GLB1: variants seen among roughly 807,000 people sequenced by gnomAD.
GLB1 encodes beta-galactosidase.
In GLB1, 56 loss-of-function variants were observed where a neutral mutation model predicts 74.0. The ratio of observed to expected loss-of-function variants is 0.76; its 90% CI spans 0.61 to 0.94. GLB1 has a LOEUF of 0.94. Ranked by LOEUF, GLB1 falls within the 40% of genes least tolerant of loss-of-function variation. The pLI is 0.00. For missense variants in GLB1, 787 were observed against 845.5 expected, an observed-to-expected ratio of 0.93 and a Z score of 0.86; for synonymous variants, 323 against 323.6, an observed-to-expected ratio of 1.00 and a Z score of 0.02.
chr3:33,093,931 C>G lies in GLB1; in HGVS notation c.75+3080G>C. On this transcript the variant is annotated intron_variant, in intron 1 of 15. Coordinates refer to ENST00000307363, the MANE Select transcript of GLB1 (RefSeq NM_000404.4). The surrounding 1 kb of genome is among the most constrained non-coding windows in gnomAD (Gnocchi z 6.0). ...TGGGCCAGGGCCAGAAATGCCAGAACCACCACCTTCCAAAGCTGAAAACAG... is the reference window on the plus strand; with the variant it reads ...TGGGCCAGGGCCAGAAATGCCAGAAGCACCACCTTCCAAAGCTGAAAACAG... 1 of 1,614,132 alleles carries G rather than the reference C, an allele frequency of 6.2e-7. No individual in the cohort carries two copies. Among genetic ancestry groups the G allele is most frequent in the Non-Finnish European group, 8.5e-7 (1 of 1,180,024 alleles).
At chr3:33,065,720 C>T (rs970215883) in intron 4 of GLB1, among the ~76,000 whole-genome samples, 163 bp from the exon 5 acceptor site, 3 of 152,194 alleles carry the variant, frequency 2.0e-5, no homozygotes, top group African/African-American at 7.2e-5. Flanking sequence ...GTAATCCCAG[C>T]ACTTTGGGAG....
chr3:32,968,609 T>C, the GLB1 span, among the ~76,000 whole-genome samples: 2 of 152,194 alleles, frequency 1.3e-5, no homozygotes. Flanking sequence ...AAGGTTCTGC[T>C]GCATTTAGAT....
chr3:32,991,031 T>A, the GLB1 span, among the ~76,000 whole-genome samples: 5 of 152,058 alleles, frequency 3.3e-5, no homozygotes, highest in East Asian at 9.6e-4. Context: ...AAAGTTGAAG[T>A]AAATTGGACA....
In GLB1 at chr3:33,058,250, C is replaced by T. The variant is rs1553611055; in HGVS notation, c.572G>A (p.Ser191Asn). ...GTAGTCAAAATCACAGGCAAAGTAG[C>T]TGCCATATTCATTTTCAACCTGTGA... ...ITVQVENEYGSYFACDFDYLR... is the reference protein window; with the variant it reads ...ITVQVENEYGNYFACDFDYLR... Residue 191 changes from serine (S) to asparagine (N), a missense_variant, in exon 6 of 16, where the codon AGC (serine) becomes AAC (asparagine). Ser to Asn is a conservative substitution (Grantham distance 46). Coordinates refer to ENST00000307363, the MANE Select transcript of GLB1 (RefSeq NM_000404.4). 5 of 1,614,114 alleles carry T rather than the reference C, an allele frequency of 3.1e-6. No individual in the cohort carries two copies. The highest frequency in any genetic ancestry group is 4.2e-6 in the Non-Finnish European group (5 of 1,180,016).
At chr3:33,009,966 T>C (rs1696953925) in intron 15 of GLB1, among the ~76,000 whole-genome samples, 1 of 152,272 alleles carries the variant, frequency 6.6e-6, no homozygotes, top group Non-Finnish European at 1.5e-5. Context: ...TATTGAGGAA[T>C]CGTATGGATA....
At chr3:33,034,626 A>T in intron 10 of GLB1, 1 of 725,628 alleles carries the variant, frequency 1.4e-6, no homozygotes, top group Admixed American at 1.9e-5. Flanking sequence ...CACAAGTTCA[A>T]TGATGTCATG....
chr3:33,001,622 T>C (rs1303403216), intron 15 of GLB1, among the ~76,000 whole-genome samples: 2 of 152,220 alleles, frequency 1.3e-5, no homozygotes, highest in Non-Finnish European at 2.9e-5. Context: ...TATTTCCAGC[T>C]ATAACACAGG....
intron 5 of GLB1, among the ~76,000 whole-genome samples, chr3:33,063,305 C>T (rs1018483817): frequency 6.6e-6 from 1 of 152,272 alleles, no homozygotes; most frequent in East Asian, 1.9e-4. Flanking sequence ...AAGAGCTTTG[C>T]TATGGCTCCT....
Position 33,088,716 on chromosome 3 carries a change from G to A in GLB1, c.75+8295C>T, listed in dbSNP as rs80242293. 1.1e-3 allele frequency among the ~76,000 whole-genome samples: 165 copies of A among 152,262 alleles called. 1 individual carries two copies. Among genetic ancestry groups the A allele is most frequent in the African/African-American group, 3.8e-3 (158 of 41,582 alleles). The stretch of plus-strand genomic sequence containing the variant: ...TGTTAAGATGTTCATACTACCCAAA[G>A]TGATTCACAGATTCAACACAATCCC... On this transcript the variant is annotated intron_variant, in intron 1 of 15. Coordinates refer to ENST00000307363, the MANE Select transcript of GLB1 (RefSeq NM_000404.4).
chr3:33,094,941 T>G (rs938502323), intron 1 of GLB1, among the ~76,000 whole-genome samples: 7 of 152,220 alleles, frequency 4.6e-5, no homozygotes, highest in Non-Finnish European at 8.8e-5. Flanking sequence ...CTGGGCACAG[T>G]GGCTGACGCC....
intron 10 of GLB1, among the ~76,000 whole-genome samples, chr3:33,027,290 C>A (rs1697809922): frequency 6.6e-6 from 1 of 152,266 alleles, no homozygotes; most frequent in Non-Finnish European, 1.5e-5. Flanking sequence ...GCAGCAGCAG[C>A]CAGCGTGTCT....
intron 2 of GLB1, among the ~76,000 whole-genome samples, chr3:33,071,863 TC>T (rs990416033): frequency 1.8e-4 from 27 of 152,216 alleles, no homozygotes; most frequent in African/African-American, 6.3e-4. Flanking sequence ...GGGGTCCTGC[TC>T]CATACCCAGA....
chr3:33,024,202 C>A (rs1225624190), intron 11 of GLB1, 49 bp downstream of exon 11: 1 of 1,561,304 alleles, frequency 6.4e-7, no homozygotes, highest in Non-Finnish European at 8.7e-7. Flanking sequence ...ATTCCACTTT[C>A]TCACTCCCAT....
chr3:33,028,524 T>A (rs551270597), intron 10 of GLB1, among the ~76,000 whole-genome samples: 1 of 152,178 alleles, frequency 6.6e-6, no homozygotes, highest in Non-Finnish European at 1.5e-5. Flanking sequence ...TATAGCATTA[T>A]CCTTTTAAAT....
chr3:33,062,236 C>T (rs1469756700), intron 5 of GLB1, among the ~76,000 whole-genome samples: 6 of 152,102 alleles, frequency 3.9e-5, no homozygotes, highest in African/African-American at 7.2e-5. Context: ...GGTGTGATCA[C>T]GGCTCACCAC....
chr3:32,993,522 ATTTT>A (rs746774682), downstream of GLB1, among the ~76,000 whole-genome samples: 5 of 62,286 alleles, frequency 8.0e-5, no homozygotes, highest in South Asian at 8.8e-4. Context: ...CATCCAGCTA[ATTTT>A]TTTTTTTTTT....
rs766046916 is a variant in GLB1 at position 33,014,151 on chromosome 3, T to G, written c.1639A>C (p.Thr547Pro). The G allele has an allele frequency of 1.9e-6, 3 of 1,613,944 alleles. No homozygotes were observed. In the East Asian group the frequency reaches 6.7e-5, roughly 36 times the overall value. The change falls in exon 15 of 16, where the codon ACG (threonine) becomes CCG (proline). Residue 547 changes from threonine to proline, a missense_variant. Thr to Pro is a conservative substitution (Grantham distance 38, BLOSUM62 -1). Coordinates refer to ENST00000307363, the MANE Select transcript of GLB1 (RefSeq NM_000404.4). The part of the protein sequence containing the change: ...EAWAHNSSNY[T>P]LPAFYMGNFS... ...TTCCCCATATAAAAGGCCGGGAGCG[T>G]GTAGTTGGATGAGTTGTGGGCCCAG...
At position 33,038,569 on chromosome 3, in the gene GLB1, A is replaced by G. The variant is rs142182543; in HGVS notation, c.1068+7551T>C. Among the ~76,000 whole-genome samples the G allele has an allele frequency of 1.1e-3, 172 of 152,350 alleles. 1 individual carries two copies. The highest frequency in any genetic ancestry group is 4.1e-3 in the African/African-American group (169 of 41,586). ...TGGAAAATGTCATGATGCAAGTCTG[A>G]TATTTGTTACTAGTTTTCCCATCAA... On this transcript the variant is annotated intron_variant, in intron 10 of 15. Transcript: ENST00000307363.
intron 13 of GLB1, 92 bp downstream of exon 13, chr3:33,018,356 G>T: frequency 4.8e-6 from 4 of 832,082 alleles, no homozygotes; most frequent in Non-Finnish European, 7.5e-6. Context: ...CTGAAAAGGT[G>T]AGCAAAGACC....
Sources: allele counts gnomAD v4.1 joint callset (sites outside exome capture counted in the v4.1 genomes callset), GRCh38; gene constraint gnomAD v4.1.1; non-coding constraint Gnocchi (gnomAD v3.1); transcripts MANE v1.5; gene names NCBI Gene and HGNC (gene_info 2026-07-23, HGNC 2026-07-21).